The following SLCO1A2 variants were observed in gnomAD, a reference collection of about 807,000 sequenced individuals.
The protein encoded by SLCO1A2 is OATP-1.
Under a neutral mutation model 69.0 loss-of-function variants are expected in SLCO1A2, and 67 were observed. The ratio of observed to expected loss-of-function variants is 0.97; its 90% CI spans 0.80 to 1.19. The LOEUF (loss-of-function observed/expected upper bound fraction) is 1.19. Among genes scored for constraint, SLCO1A2 ranks in the 50% most tolerant of loss-of-function variants. The probability of loss-of-function intolerance (pLI) is 0.00; values close to 1 mark genes in which losing one functional copy is unlikely to be tolerated. For missense variants in SLCO1A2, 787 were observed against 793.7 expected, an observed-to-expected ratio of 0.99 and a Z score of 0.10; for synonymous variants, 260 against 265.9, an observed-to-expected ratio of 0.98 and a Z score of 0.22.
intron 11 of SLCO1A2, among the ~76,000 whole-genome samples, chr12:21,293,476 G>C (rs1220638382): frequency 6.6e-6 from 1 of 151,728 alleles, no homozygotes; most frequent in Non-Finnish European, 1.5e-5. Context: ...TGATATCTTA[G>C]AGGCAAGAGA....
chr12:21,347,608 G>A (rs1425657956), intron 2 of SLCO1A2, among the ~76,000 whole-genome samples: 1 of 149,874 alleles, frequency 6.7e-6, no homozygotes, highest in Non-Finnish European at 1.5e-5. Context: ...TCGTGCCACT[G>A]CACTGCAGCC....
chr12:21,331,461 A>C (rs1052136010), intron 2 of SLCO1A2, among the ~76,000 whole-genome samples: 2 of 152,144 alleles, frequency 1.3e-5, no homozygotes, highest in African/African-American at 4.8e-5. Context: ...TCTCATTTGA[A>C]TTTGGCCAAG....
rs1332143820 is a variant in SLCO1A2, at chr12:21,267,879, C to T, written c.*1669G>A. 2 of 152,076 alleles carry T rather than the reference C, an allele frequency of 1.3e-5. No homozygotes were observed. The highest frequency in any genetic ancestry group is 4.8e-5 in the African/African-American group (2 of 41,422). 9.4% of individuals were successfully genotyped at this position (152,076 alleles called of 1,614,324 possible). ...GTCATCAGATCTTAATACGATATCT[C>T]ACTGCTGCAGTCATACCTACATCAA... On this transcript the variant is annotated 3_prime_UTR_variant, in exon 15 of 15. Transcript: ENST00000683939.
intron 9 of SLCO1A2, among the ~76,000 whole-genome samples, chr12:21,296,376 G>A (rs1051134745): frequency 6.6e-6 from 1 of 152,038 alleles, no homozygotes; most frequent in East Asian, 1.9e-4. Flanking sequence ...AAGTAGCTGG[G>A]ACTACAGGTG....
intron 1 of SLCO1A2, among the ~76,000 whole-genome samples, chr12:21,411,036 T>C (rs1941898840): frequency 6.6e-6 from 1 of 152,198 alleles, no homozygotes; most frequent in African/African-American, 2.4e-5. Context: ...TATTTGTAAT[T>C]TCATTCTTTA....
At chr12:21,290,786 A>G (rs1485231667) in intron 12 of SLCO1A2, among the ~76,000 whole-genome samples, 1 of 152,206 alleles carries the variant, frequency 6.6e-6, no homozygotes, top group Admixed American at 6.5e-5. Context: ...CCAAATACAC[A>G]AACACTAAGG....
intron 12 of SLCO1A2, among the ~76,000 whole-genome samples, chr12:21,289,184 C>CTG (rs10636619): frequency 0.44 from 59,737 of 136,670 alleles, 13,322 homozygotes; most frequent in Middle Eastern, 0.56. Context: ...TGGTACCATT[C>CTG]TGTGTGTGTG....
At chr12:21,312,357 T>C (rs1164014844) in intron 4 of SLCO1A2, among the ~76,000 whole-genome samples, 1 of 152,232 alleles carries the variant, frequency 6.6e-6, no homozygotes, top group East Asian at 1.9e-4. Flanking sequence ...AGTCTTGCTC[T>C]TCTGGCTCAA....
At chr12:21,325,224 G>T in intron 2 of SLCO1A2, among the ~76,000 whole-genome samples, 1 of 152,046 alleles carries the variant, frequency 6.6e-6, no homozygotes, top group East Asian at 1.9e-4. Context: ...TCCTCAAAGG[G>T]CACATTTACA....
At chr12:21,341,723 A>G (rs7954751) in intron 2 of SLCO1A2, among the ~76,000 whole-genome samples, 22,614 of 152,018 alleles carry the variant, frequency 0.15, 2,070 homozygotes, top group African/African-American at 0.26. Flanking sequence ...GGCTGCATGT[A>G]GTTCAAGGTC....
intron 1 of SLCO1A2, among the ~76,000 whole-genome samples, chr12:21,386,439 G>T (rs552599141): frequency 8.9e-4 from 135 of 152,218 alleles, no homozygotes; most frequent in African/African-American, 3.2e-3. Flanking sequence ...GAGGGGCCAG[G>T]TGGGAGGTAA....
upstream of SLCO1A2, among the ~76,000 whole-genome samples, chr12:21,338,663 G>A (rs964251911): frequency 1.5e-4 from 23 of 151,848 alleles, no homozygotes; most frequent in Admixed American, 1.4e-3. Flanking sequence ...TATCAACTAT[G>A]TCATTTCTTC....
intron 1 of SLCO1A2, among the ~76,000 whole-genome samples, chr12:21,386,352 C>CT (rs1314025895): frequency 6.6e-6 from 1 of 152,220 alleles, no homozygotes; most frequent in East Asian, 1.9e-4. Context: ...ATAACAATCC[C>CT]TAGTGATATG....
intron 2 of SLCO1A2, among the ~76,000 whole-genome samples, chr12:21,329,862 T>C (rs1477472107): frequency 1.3e-5 from 2 of 151,080 alleles, no homozygotes; most frequent in African/African-American, 4.8e-5. Context: ...CAGATTCCCA[T>C]TGAAAAAAAT....
intron 2 of SLCO1A2, among the ~76,000 whole-genome samples, chr12:21,345,706 A>G (rs1271395621): frequency 1.3e-5 from 2 of 152,176 alleles, no homozygotes; most frequent in African/African-American, 4.8e-5. Flanking sequence ...TTAAGTAAGT[A>G]AATTGATAAC....
intron 2 of SLCO1A2, among the ~76,000 whole-genome samples, chr12:21,364,526 T>G (rs4356287): frequency 0.32 from 49,266 of 151,990 alleles, 8,290 homozygotes; most frequent in East Asian, 0.46. Flanking sequence ...CTATTCAACA[T>G]AGTGTTGGAA....
chr12:21,323,556 C>T lies in SLCO1A2; in HGVS notation c.61-4633G>A, dbSNP rs114169679. Among the ~76,000 whole-genome samples the T allele has an allele frequency of 2.6e-3, 395 of 152,162 alleles. 4 individuals are homozygous for T. Among genetic ancestry groups the T allele is most frequent in the African/African-American group, 8.2e-3 (342 of 41,516 alleles). ...CTCCAGCCTGGGTGACAGAGTAAGA[C>T]CCTGAGTGAGTCTCAAAAAAAGAAA... On this transcript the variant is annotated intron_variant, in intron 2 of 14. Transcript: ENST00000683939.
rs541438005 is a variant in SLCO1A2, at chr12:21,302,479, C to T, written c.590-1210G>A. On this transcript the variant is annotated intron_variant, in intron 6 of 14. Coordinates refer to ENST00000683939, the MANE Select transcript of SLCO1A2 (RefSeq NM_001386879.1). ...TAAAAGTCTTTCCCAGTATTTTATC[C>T]TAATATCTCTCAGTATATATATGTT... Among the ~76,000 whole-genome samples the T allele has an allele frequency of 2.6e-5, 4 of 152,042 alleles. No homozygotes were observed. In the South Asian group the frequency reaches 8.3e-4, roughly 32 times the overall value.
At chr12:21,394,186 C>A (rs776878186) in intron 1 of SLCO1A2, among the ~76,000 whole-genome samples, 3 of 152,144 alleles carry the variant, frequency 2.0e-5, no homozygotes, top group Non-Finnish European at 2.9e-5. Context: ...TCAAAAGACA[C>A]TGTCTATGTA....
Sources: gnomAD v4.1 joint callset for allele counts (sites outside exome capture counted in the v4.1 genomes callset) on GRCh38, gnomAD v4.1.1 for gene constraint, MANE v1.5 for transcripts, NCBI Gene and HGNC (gene_info 2026-07-23, HGNC 2026-07-21) for gene names.